Variants in PDE1C observed in about 807,000 individuals in gnomAD.
PDE1C encodes the protein phosphodiesterase 1C.
A neutral mutation model predicts 93.1 loss-of-function variants in PDE1C; 62 were observed. The ratio of observed to expected loss-of-function variants is 0.67; its 90% CI spans 0.54 to 0.82. The LOEUF is 0.82. PDE1C is among the 40% of genes least tolerant of loss of function. PDE1C has a pLI of 0.00. For missense variants in PDE1C, 742 were observed against 884.6 expected (o/e 0.84, Z 2.04); for synonymous variants, 325 against 310.1 (o/e 1.05, Z -0.50).
At chr7:31,985,652 A>G (rs770309884) in intron 2 of PDE1C, among the ~76,000 whole-genome samples, 3 of 151,596 alleles carry the variant, frequency 2.0e-5, no homozygotes, top group African/African-American at 7.3e-5. Flanking sequence ...GTTCCCACCT[A>G]TGAGTGAGAA....
intron 1 of PDE1C, among the ~76,000 whole-genome samples, chr7:32,372,631 G>T (rs1784353579): frequency 6.6e-6 from 1 of 152,048 alleles, no homozygotes; most frequent in Non-Finnish European, 1.5e-5. Flanking sequence ...AGATAAATTG[G>T]ACTTCATCAA....
At chr7:32,189,961 T>C (rs945332255) in intron 2 of PDE1C, among the ~76,000 whole-genome samples, 11 of 152,352 alleles carry the variant, frequency 7.2e-5, no homozygotes, top group African/African-American at 2.4e-4. Flanking sequence ...TCTGAGGCTA[T>C]AGAAACCACA....
chr7:32,371,463 T>C (rs1214968561), intron 1 of PDE1C, among the ~76,000 whole-genome samples: 1 of 152,224 alleles, frequency 6.6e-6, no homozygotes, highest in Non-Finnish European at 1.5e-5. Flanking sequence ...CTGCTTTTGC[T>C]GACCATTATA....
chr7:32,339,686 G>T (rs997594616), intron 1 of PDE1C, among the ~76,000 whole-genome samples: 8 of 152,132 alleles, frequency 5.3e-5, no homozygotes, highest in Non-Finnish European at 1.0e-4. Flanking sequence ...AATGTCAGTG[G>T]AAGAGAGACT....
chr7:31,728,783 C>A, the PDE1C span, among the ~76,000 whole-genome samples: 2 of 152,120 alleles, frequency 1.3e-5, no homozygotes, highest in Non-Finnish European at 2.9e-5. Flanking sequence ...CCAGGGAAGT[C>A]TTAGAGGAAC....
At chr7:32,120,879 A>G (rs186622123) in intron 3 of PDE1C, among the ~76,000 whole-genome samples, 1 of 152,168 alleles carries the variant, frequency 6.6e-6, no homozygotes, top group Non-Finnish European at 1.5e-5. Flanking sequence ...TGGGGATGAG[A>G]TGGACGAATT....
chr7:31,646,426 G>A, the PDE1C span, among the ~76,000 whole-genome samples: 10 of 152,248 alleles, frequency 6.6e-5, no homozygotes, highest in Non-Finnish European at 1.0e-4. Flanking sequence ...CAGCTTCTCC[G>A]AGGAAGGTAG....
At chr7:32,245,929 T>G (rs1395558149) in intron 1 of PDE1C, among the ~76,000 whole-genome samples, 1 of 151,774 alleles carries the variant, frequency 6.6e-6, no homozygotes, top group Non-Finnish European at 1.5e-5. Flanking sequence ...TAGTAACACC[T>G]TGGTTAGGAT....
Position 32,335,428 on chromosome 7 carries a change from C to T in PDE1C, c.310+92394G>A, listed in dbSNP as rs139054643. Among the ~76,000 whole-genome samples, 569 of 152,276 alleles carry T rather than the reference C, an allele frequency of 3.7e-3. 4 individuals carry two copies. Among genetic ancestry groups the T allele is most frequent in the Middle Eastern group, 0.031 (9 of 294 alleles). On this transcript the variant is annotated intron_variant, in intron 1 of 1. Coordinates refer to the PDE1C transcript ENST00000672256. ...GCTCTGCATTGGTTTGCTAGGGCTT[C>T]CATAGCAAAGTACCACAGACTGAGT...
intron 2 of PDE1C, among the ~76,000 whole-genome samples, chr7:31,943,402 G>A (rs527472524): frequency 6.6e-6 from 1 of 152,224 alleles, no homozygotes; most frequent in South Asian, 2.1e-4. Context: ...CAGAGAATTG[G>A]TTCTACTGGA....
At position 32,257,810 on chromosome 7, in the gene PDE1C, G is replaced by C. The variant is rs1009710486; in HGVS notation, c.85+40841C>G. On this transcript the variant is annotated intron_variant, in intron 1 of 18. Transcript: ENST00000396193. Reference sequence around the variant, plus strand: ...CCAGACACCAGCAAGGGCTCTGCCTGGTGCTCTCTGACTTGCATGGCCACA... The same window carrying C: ...CCAGACACCAGCAAGGGCTCTGCCTCGTGCTCTCTGACTTGCATGGCCACA... Among the ~76,000 whole-genome samples the C allele has an allele frequency of 3.9e-5, 6 of 152,166 alleles. No homozygotes were observed. The East Asian group carries it at 1.2e-3, about 29-fold the overall frequency.
At chr7:32,238,695 G>A (rs943396446) in intron 1 of PDE1C, among the ~76,000 whole-genome samples, 17 of 152,188 alleles carry the variant, frequency 1.1e-4, no homozygotes, top group African/African-American at 3.1e-4. Context: ...ATTGGCCCAG[G>A]AGTAGACAGA....
intron 1 of PDE1C, among the ~76,000 whole-genome samples, chr7:32,402,327 T>C (rs1784962007): frequency 1.3e-5 from 2 of 152,046 alleles, no homozygotes; most frequent in South Asian, 4.2e-4. Flanking sequence ...CTCTGCAAAC[T>C]GGAGGCCCAA....
In PDE1C at chr7:32,374,527, T is replaced by C. The variant is rs559345564; in HGVS notation, c.310+53295A>G. 2.2e-3 allele frequency among the ~76,000 whole-genome samples: 330 copies of C among 152,336 alleles called. 1 individual carries two copies. The highest frequency in any genetic ancestry group is 7.6e-3 in the African/African-American group (317 of 41,586). ...GCAGCATGGGGAGGTAGTCTAAGTC[T>C]TCCAGTCATCCTTGCCCAGGCATCA... On this transcript the variant is annotated intron_variant, in intron 1 of 1. Coordinates refer to the PDE1C transcript ENST00000672256.
chr7:31,906,380 G>A (rs2128929101), intron 2 of PDE1C, among the ~76,000 whole-genome samples: 1 of 152,270 alleles, frequency 6.6e-6, no homozygotes, highest in South Asian at 2.1e-4. Flanking sequence ...TTAACTTTTT[G>A]TATTACAGTA....
the PDE1C span, among the ~76,000 whole-genome samples, chr7:31,655,169 C>A: frequency 6.6e-6 from 1 of 152,138 alleles, no homozygotes; most frequent in African/African-American, 2.4e-5. Flanking sequence ...TCACTCTTGG[C>A]TAAAGCTGAC....
chr7:31,646,877 A>C, the PDE1C span, among the ~76,000 whole-genome samples: 1 of 152,332 alleles, frequency 6.6e-6, no homozygotes, highest in Admixed American at 6.5e-5. Flanking sequence ...TTGCAATTAT[A>C]CAAAAAAAGG....
chr7:31,811,667 T>A (rs1787565187), intron 15 of PDE1C, among the ~76,000 whole-genome samples: 1 of 152,126 alleles, frequency 6.6e-6, no homozygotes, highest in African/African-American at 2.4e-5. Context: ...TAGGTTGCTC[T>A]GAACTGGAGC....
At chr7:32,059,265 T>C (rs967738736) in intron 1 of PDE1C, among the ~76,000 whole-genome samples, 1 of 152,140 alleles carries the variant, frequency 6.6e-6, no homozygotes, top group African/African-American at 2.4e-5. Context: ...AATGGGAGAA[T>C]GCAAATCTGA....
Sources: allele counts gnomAD v4.1 joint callset (sites outside exome capture counted in the v4.1 genomes callset), GRCh38; gene constraint gnomAD v4.1.1; transcripts MANE v1.5; gene names NCBI Gene and HGNC (gene_info 2026-07-23, HGNC 2026-07-21).